PCDHA10: variants seen among roughly 807,000 people sequenced by gnomAD.
PCDHA10 encodes the protein protocadherin alpha 10.
PCDHA10 carries 45 observed loss-of-function variants against 61.2 expected under a neutral mutation model. That is an observed-to-expected ratio of 0.74 (90% CI 0.58 to 0.94). The LOEUF (loss-of-function observed/expected upper bound fraction) is 0.94, where lower values mean the gene tolerates loss of function less well. Ranked by LOEUF, PCDHA10 falls within the 40% of genes least tolerant of loss-of-function variation. The pLI is 0.00. For synonymous variants in PCDHA10, 602 were observed against 548.8 expected, an observed-to-expected ratio of 1.10 and a Z score of -1.35; for missense variants, 1,278 against 1,236.2, an observed-to-expected ratio of 1.03 and a Z score of -0.51.
In PCDHA10 at chr5:140,928,627, T is replaced by G. The variant is rs782634688; in HGVS notation, c.2389-50322T>G. The G allele has an allele frequency of 1.5e-5, 24 of 1,614,220 alleles. No homozygotes were observed. The highest frequency in any genetic ancestry group is 1.9e-5 in the Non-Finnish European group (23 of 1,180,026). On this transcript the variant is annotated intron_variant, in intron 1 of 3. Transcript: ENST00000307360. ...GCCCCGCTCTGCCAGGACTGGACAC[T>G]TGGTCACAAAAGTGGTAGCAGAGGA...
intron 1 of PCDHA10, among the ~76,000 whole-genome samples, chr5:140,923,065 TCTC>T: frequency 6.6e-6 from 1 of 152,304 alleles, no homozygotes; most frequent in Non-Finnish European, 1.5e-5. Context: ...AAGAGCTAGG[TCTC>T]CTCATGTCAG....
At chr5:140,909,065 A>G (rs1402526950) in intron 1 of PCDHA10, among the ~76,000 whole-genome samples, 3 of 152,218 alleles carry the variant, frequency 2.0e-5, no homozygotes, top group Admixed American at 6.5e-5. Flanking sequence ...TGTCTCACCA[A>G]TAAGCCCAGT....
chr5:141,008,718 T>C (rs2098388409), intron 3 of PCDHA10, among the ~76,000 whole-genome samples: 1 of 152,230 alleles, frequency 6.6e-6, no homozygotes, highest in Non-Finnish European at 1.5e-5. Context: ...TGCTTGAGTG[T>C]ATGTCCAACT....
chr5:140,874,695 T>C (rs1278085784), intron 1 of PCDHA10, among the ~76,000 whole-genome samples: 1 of 152,228 alleles, frequency 6.6e-6, no homozygotes, highest in East Asian at 1.9e-4. Flanking sequence ...TAACATGTTA[T>C]GGAAATGAGA....
At position 140,926,851 on chromosome 5, in the gene PCDHA10, T is replaced by C. The variant is rs201136210; in HGVS notation, c.2389-52098T>C. 6.6e-6 allele frequency: 10 copies of C among 1,517,220 alleles called. No individual in the cohort carries two copies. In the Admixed American group the frequency reaches 6.6e-5, roughly 10 times the overall value. The allele number at this position is 1,517,220 out of a possible 1,614,324, so 94.0% of individuals were successfully genotyped here. ...TCCGGAGCATGGTCCTGGGTCACCGTTGGTGTAGCGTGTTGGTGGAACGTG... is the reference window on the plus strand; with the variant it reads ...TCCGGAGCATGGTCCTGGGTCACCGCTGGTGTAGCGTGTTGGTGGAACGTG... On this transcript the variant is annotated intron_variant, in intron 1 of 3. Coordinates refer to ENST00000307360, the MANE Select transcript of PCDHA10 (RefSeq NM_018901.4).
At chr5:140,967,785 G>A (rs1554229943) in intron 1 of PCDHA10, 6 of 1,614,176 alleles carry the variant, frequency 3.7e-6, no homozygotes, top group Admixed American at 3.3e-5. Context: ...GCGACTGACC[G>A]GGGTCCAGTG....
chr5:140,870,763 G>T (rs1386684596), intron 1 of PCDHA10: 1 of 1,613,434 alleles, frequency 6.2e-7, no homozygotes, highest in African/African-American at 1.3e-5. Context: ...GCAGGTGTTC[G>T]TGCTGGACGA....
intron 1 of PCDHA10, among the ~76,000 whole-genome samples, chr5:140,934,486 A>G (rs1243287097): frequency 6.6e-6 from 1 of 152,124 alleles, no homozygotes; most frequent in East Asian, 1.9e-4. Context: ...AATTATATTC[A>G]CCTCATAAAC....
At chr5:140,877,789 A>G (rs2057339151) in intron 1 of PCDHA10, 1 of 1,613,954 alleles carries the variant, frequency 6.2e-7, no homozygotes, top group Non-Finnish European at 8.5e-7. Context: ...CATGGCCTTC[A>G]GCCCAAGCCT....
intron 1 of PCDHA10, chr5:140,870,432 G>T (rs368823990): frequency 4.3e-6 from 7 of 1,614,134 alleles, no homozygotes; most frequent in Non-Finnish European, 5.1e-6. Flanking sequence ...TATCCGTGGA[G>T]GTGGCCGACG....
At chr5:140,925,800 C>T (rs1318763578) in intron 1 of PCDHA10, among the ~76,000 whole-genome samples, 5 of 152,070 alleles carry the variant, frequency 3.3e-5, no homozygotes, top group African/African-American at 1.2e-4. Context: ...AGTACTTTCC[C>T]CTCCACTTCT....
intron 1 of PCDHA10, among the ~76,000 whole-genome samples, chr5:140,965,168 T>A (rs1484687706): frequency 6.6e-6 from 1 of 152,180 alleles, no homozygotes; most frequent in Non-Finnish European, 1.5e-5. Context: ...GACGTTTTAG[T>A]GAGTGCTTTT....
chr5:140,859,571 G>C (rs2045916086), intron 1 of PCDHA10: 1 of 174,150 alleles, frequency 5.7e-6, no homozygotes, highest in Non-Finnish European at 1.2e-5. Context: ...CCATGAATTT[G>C]TCATCTTGCC....
intron 1 of PCDHA10, among the ~76,000 whole-genome samples, chr5:140,969,881 G>C (rs1554232131): frequency 6.6e-6 from 1 of 152,196 alleles, no homozygotes; most frequent in African/African-American, 2.4e-5. Flanking sequence ...CTATGTGATA[G>C]GATCCTCTGG....
In PCDHA10 at chr5:141,011,794, G is replaced by A. The variant is rs782200485; in HGVS notation, c.*1857G>A. 2 of 153,664 alleles carry A rather than the reference G, an allele frequency of 1.3e-5. No individual in the cohort carries two copies. The highest frequency in any genetic ancestry group is 2.9e-5 in the Non-Finnish European group (2 of 68,028). The allele number at this position is 153,664 out of a possible 1,614,324, so 9.5% of individuals were successfully genotyped here. ...ATGCTTTGAAATTCTAATGGTATCT[G>A]AAATATCAGCTCATAGAAAGTAACA... On this transcript the variant is annotated 3_prime_UTR_variant, in exon 4 of 4. Coordinates refer to ENST00000307360, the MANE Select transcript of PCDHA10 (RefSeq NM_018901.4).
rs955565578 is a variant in PCDHA10, at chr5:141,012,291, T to C, written c.*2354T>C. 6 of 153,804 alleles carry C rather than the reference T, an allele frequency of 3.9e-5. No homozygotes were observed. The highest frequency in any genetic ancestry group is 9.6e-5 in the African/African-American group (4 of 41,478). The allele number at this position is 153,804 out of a possible 1,614,324, so 9.5% of individuals were successfully genotyped here. A position where few individuals can be genotyped will look rare whatever the true frequency, so the allele number is the denominator to read the frequency against. On this transcript the variant is annotated 3_prime_UTR_variant, in exon 4 of 4. Coordinates refer to ENST00000307360, the MANE Select transcript of PCDHA10 (RefSeq NM_018901.4). ...ACACGTCATGTGGATTCATTTTGAA[T>C]TGGTGCTATTGGTATTTCCTCTGTT...
At chr5:140,861,554 C>G (rs1023234694) in intron 1 of PCDHA10, 16 of 398,878 alleles carry the variant, frequency 4.0e-5, no homozygotes, top group African/African-American at 3.3e-4. Flanking sequence ...TGGAAGTGAT[C>G]GTGGACAAGC....
Position 140,856,210 on chromosome 5 carries a change from G to A in PCDHA10, c.162G>A (p.Glu54=). The A allele has an allele frequency of 6.3e-7, 1 of 1,598,116 alleles. No individual in the cohort carries two copies. Among genetic ancestry groups the A allele is most frequent in the Non-Finnish European group, 8.6e-7 (1 of 1,167,904 alleles). ...GCATCGCGCAGGACCTGGGGCTGGA[G>A]CTGGCGGAGCTGGTGCAGCGCCTGT... is the stretch of plus-strand genomic sequence containing the variant. ...VGRIAQDLGL[E]LAELVQRLFR... The change falls in exon 1 of 4, where the codon GAG becomes GAA. Residue 54 remains glutamate, a synonymous_variant. Transcript: ENST00000307360.
rs527332783 is a variant in PCDHA10, at chr5:140,855,952, A to G, written c.-97A>G. Reference sequence around the variant, plus strand: ...TCATTCTGAGATCTCAGCCATTTCGATAAAAAATAGATATAAGAAATAGGA... The same window carrying G: ...TCATTCTGAGATCTCAGCCATTTCGGTAAAAAATAGATATAAGAAATAGGA... On this transcript the variant is annotated 5_prime_UTR_variant, in exon 1 of 4. Transcript: ENST00000307360. The G allele has an allele frequency of 2.9e-6, 4 of 1,380,786 alleles. No individual in the cohort carries two copies. The African/African-American group carries it at 5.8e-5, about 20-fold the overall frequency. The allele number at this position is 1,380,786 out of a possible 1,614,324, so 85.5% of individuals were successfully genotyped here.
Sources: allele counts gnomAD v4.1 joint callset (sites outside exome capture counted in the v4.1 genomes callset), GRCh38; gene constraint gnomAD v4.1.1; transcripts MANE v1.5; gene names NCBI Gene and HGNC (gene_info 2026-07-23, HGNC 2026-07-21).